LPCAT1: variants seen among roughly 807,000 people sequenced by gnomAD.
The protein encoded by LPCAT1 is lysophosphatidylcholine acyltransferase 1.
Under a neutral mutation model 60.9 loss-of-function variants are expected in LPCAT1, and 23 were observed. The ratio of observed to expected loss-of-function variants is 0.38; its 90% confidence interval spans 0.27 to 0.53. LPCAT1 has a LOEUF of 0.53. LPCAT1 is among the 20% of genes least tolerant of loss of function. The pLI is 0.82. For synonymous variants in LPCAT1, 340 were observed against 301.1 expected, an observed-to-expected ratio of 1.13 and a Z score of -1.34; for missense variants, 622 against 723.6, an observed-to-expected ratio of 0.86 and a Z score of 1.61.
intron 3 of LPCAT1, among the ~76,000 whole-genome samples, chr5:1,490,167 A>C (rs1228573868): frequency 6.6e-6 from 1 of 152,226 alleles, no homozygotes; most frequent in Non-Finnish European, 1.5e-5. Flanking sequence ...CAGGAAGCAG[A>C]AAGTCTTTAG....
chr5:1,486,307 A>AG (rs1735368765), intron 5 of LPCAT1, among the ~76,000 whole-genome samples: 1 of 152,124 alleles, frequency 6.6e-6, no homozygotes. Flanking sequence ...GGGTCAGAAC[A>AG]GGGGGACTCA....
At chr5:1,474,726 C>A (rs1370565163) in intron 9 of LPCAT1, 41 bp from the exon 10 acceptor site, 4 of 1,587,042 alleles carry the variant, frequency 2.5e-6, no homozygotes, top group Non-Finnish European at 3.4e-6. Context: ...AGCCTCGTGG[C>A]AGCCAGTTCC....
chr5:1,474,721 C>A, intron 9 of LPCAT1, 36 bp from the exon 10 acceptor site: 1 of 1,595,060 alleles, frequency 6.3e-7, no homozygotes, highest in East Asian at 2.3e-5. Flanking sequence ...AGCCCAGCCT[C>A]GTGGCAGCCA....
At chr5:1,505,313 A>C (rs984256499) in intron 1 of LPCAT1, among the ~76,000 whole-genome samples, 2 of 150,320 alleles carry the variant, frequency 1.3e-5, no homozygotes, top group Non-Finnish European at 3.0e-5. Context: ...TCCACCACAG[A>C]GTGCGGAATA....
intron 5 of LPCAT1, among the ~76,000 whole-genome samples, chr5:1,488,039 G>T (rs965223821): frequency 6.6e-6 from 1 of 152,240 alleles, no homozygotes. Flanking sequence ...AGGCGGGTGT[G>T]GGGCGTGAGC....
chr5:1,493,625 G>A (rs1735670556), intron 3 of LPCAT1, among the ~76,000 whole-genome samples: 1 of 152,234 alleles, frequency 6.6e-6, no homozygotes, highest in Non-Finnish European at 1.5e-5. Flanking sequence ...GCTGATGGCG[G>A]CTGTGAAGGA....
chr5:1,466,599 CA>C, intron 13 of LPCAT1, 149 bp downstream of exon 13: 1 of 796,950 alleles, frequency 1.3e-6, no homozygotes, highest in Non-Finnish European at 1.8e-6. Flanking sequence ...CCTTCCTTCT[CA>C]GGGGTTTCTT....
In LPCAT1 at chr5:1,508,217, G is replaced by A. The variant is rs533083335; in HGVS notation, c.136-6614C>T. ...GCACAGTGGGAGTGCACGTGACCCCGGCCTGGCCACACACCGTCATTCTCC... is the reference window on the plus strand; with the variant it reads ...GCACAGTGGGAGTGCACGTGACCCCAGCCTGGCCACACACCGTCATTCTCC... On this transcript the variant is annotated intron_variant, in intron 1 of 13. Transcript: ENST00000283415. Among the ~76,000 whole-genome samples the A allele has an allele frequency of 9.8e-5, 15 of 152,296 alleles. No homozygotes were observed. In the East Asian group the frequency reaches 1.5e-3, roughly 16 times the overall value.
At chr5:1,473,140 C>G (rs890887540) in intron 11 of LPCAT1, among the ~76,000 whole-genome samples, 1 of 152,180 alleles carries the variant, frequency 6.6e-6, no homozygotes, top group Non-Finnish European at 1.5e-5. Flanking sequence ...CCTGCCAGCC[C>G]GGGTTCCACC....
Position 1,480,493 on chromosome 5 carries a change from A to G in LPCAT1, c.761+449T>C. 2.5e-6 allele frequency: 1 copy of G among 403,772 alleles called. No homozygotes were observed. Among genetic ancestry groups the G allele is most frequent in the Non-Finnish European group, 3.4e-6 (1 of 298,378 alleles). The allele number at this position is 403,772 out of a possible 1,614,324, so 25.0% of individuals were successfully genotyped here. On this transcript the variant is annotated intron_variant, in intron 7 of 13. Transcript: ENST00000283415. This position sits in a 1 kb window ranked among gnomAD's most constrained non-coding sequence, Gnocchi z 6.4. Reference sequence around the variant, plus strand: ...CGTTCCCGTTTCCGTGGGGTTGTTCATTGTTGCATAACTGACCTTCGGTGT... The same window carrying G: ...CGTTCCCGTTTCCGTGGGGTTGTTCGTTGTTGCATAACTGACCTTCGGTGT...
At chr5:1,485,059 C>T (rs573539091) in intron 5 of LPCAT1, among the ~76,000 whole-genome samples, 9 of 152,280 alleles carry the variant, frequency 5.9e-5, no homozygotes, top group East Asian at 1.9e-4. Context: ...TGCCTGGGAC[C>T]GAGCCCAGGA....
intron 1 of LPCAT1, among the ~76,000 whole-genome samples, chr5:1,518,094 C>T (rs1019671529): frequency 2.6e-4 from 39 of 152,364 alleles, no homozygotes; most frequent in African/African-American, 3.4e-4. Flanking sequence ...ACTCTGAGCA[C>T]GGCCCTGCGG....
rs778637168 is a variant in LPCAT1, at chr5:1,521,839, C to T, written c.135+1871G>A. ...GGGAGCAGCTTGCACCCTGAGGTCT[C>T]GGGGAGGAAAGCAGGCCCCTCTGGG... On this transcript the variant is annotated intron_variant, in intron 1 of 13. Transcript: ENST00000283415. The surrounding 1 kb of genome is among the most constrained non-coding windows in gnomAD (Gnocchi z 4.3). 6.6e-6 allele frequency among the ~76,000 whole-genome samples: 1 copy of T among 152,218 alleles called. No homozygotes were observed. The highest frequency in any genetic ancestry group is 1.5e-5 in the Non-Finnish European group (1 of 68,042).
chr5:1,508,418 G>A lies in LPCAT1; in HGVS notation c.136-6815C>T, dbSNP rs545127929. ...TGACGAAGGTAAAATGAGATCATCT[G>A]GGGGCCCTGAGCCAACCTGCCTGGT... On this transcript the variant is annotated intron_variant, in intron 1 of 13. Transcript: ENST00000283415. 7.2e-5 allele frequency among the ~76,000 whole-genome samples: 11 copies of A among 152,282 alleles called. No individual in the cohort carries two copies. In the South Asian group the frequency reaches 1.9e-3, roughly 26 times the overall value.
intron 1 of LPCAT1, among the ~76,000 whole-genome samples, chr5:1,504,450 C>T (rs1290288646): frequency 6.6e-6 from 1 of 152,352 alleles, no homozygotes; most frequent in East Asian, 1.9e-4. Flanking sequence ...GGCGTGGTGG[C>T]TCACATCTGT....
intron 1 of LPCAT1, among the ~76,000 whole-genome samples, chr5:1,519,496 G>A (rs758411582): frequency 1.4e-4 from 21 of 152,172 alleles, no homozygotes; most frequent in Non-Finnish European, 1.6e-4. Flanking sequence ...AAATTCATTC[G>A]GAAAATTAGA....
In LPCAT1 at chr5:1,483,330, G is replaced by A; in HGVS notation, c.726+98C>T. 1.6e-6 allele frequency: 2 copies of A among 1,251,926 alleles called. No homozygotes were observed. Among genetic ancestry groups the A allele is most frequent in the Admixed American group, 3.4e-5 (2 of 58,430 alleles). 77.6% of individuals were successfully genotyped at this position (1,251,926 alleles called of 1,614,324 possible). On this transcript the variant is annotated intron_variant, in intron 6 of 13. Transcript: ENST00000283415. The surrounding 1 kb of genome is among the most constrained non-coding windows in gnomAD (Gnocchi z 9.2). Reference sequence around the variant, plus strand: ...GTGTGGGCTGTGGCGCAGATAAAGGGTGTGGAGAGACAGAGACACAGGTGC... The same window carrying A: ...GTGTGGGCTGTGGCGCAGATAAAGGATGTGGAGAGACAGAGACACAGGTGC...
chr5:1,470,587 AG>A (rs1281543666), intron 12 of LPCAT1, among the ~76,000 whole-genome samples: 1 of 152,262 alleles, frequency 6.6e-6, no homozygotes, highest in Non-Finnish European at 1.5e-5. Context: ...CCCAGGACCC[AG>A]GAAGAACCTC....
rs1293987815 is a variant in LPCAT1 at position 1,476,419 on chromosome 5, C to T, written c.899+985G>A. Among the ~76,000 whole-genome samples, 1 of 152,110 alleles carries T rather than the reference C, an allele frequency of 6.6e-6. No homozygotes were observed. Among genetic ancestry groups the T allele is most frequent in the Non-Finnish European group, 1.5e-5 (1 of 68,032 alleles). On this transcript the variant is annotated intron_variant, in intron 9 of 13. Transcript: ENST00000283415. The surrounding 1 kb of genome is among the most constrained non-coding windows in gnomAD (Gnocchi z 8.6). ...GAACGTGAGGGAACGGGCCGCCCAG[C>T]TGAATCTTCAGGGTGTCAGCGGAGT...
Sources: gnomAD v4.1 joint callset for allele counts (sites outside exome capture counted in the v4.1 genomes callset) on GRCh38, gnomAD v4.1.1 for gene constraint, Gnocchi (gnomAD v3.1) non-coding constraint, MANE v1.5 for transcripts, NCBI Gene and HGNC (gene_info 2026-07-23, HGNC 2026-07-21) for gene names.